MCPH1: variants seen among roughly 807,000 people sequenced by gnomAD.
MCPH1 encodes microcephalin.
MCPH1 carries 104 observed loss-of-function variants against 84.5 expected under a neutral mutation model. The observed-to-expected ratio is 1.23, with a 90% CI of 1.05 to 1.45. The LOEUF (loss-of-function observed/expected upper bound fraction) is 1.45. Ranked by LOEUF, MCPH1 falls within the 40% of genes most tolerant of loss-of-function variation. MCPH1 has a pLI of 0.00. For missense variants in MCPH1, 1,498 were observed against 1,005.7 expected (o/e 1.49, Z -6.62); for synonymous variants, 514 against 366.8 (o/e 1.40, Z -4.58).
At chr8:6,594,841 G>A (rs1038951428) in intron 12 of MCPH1, among the ~76,000 whole-genome samples, 1 of 152,150 alleles carries the variant, frequency 6.6e-6, no homozygotes, top group African/African-American at 2.4e-5. Context: ...ACCTGCCCTC[G>A]GGGTCAGAGC....
intron 12 of MCPH1, among the ~76,000 whole-genome samples, chr8:6,503,488 C>G (rs959333139): frequency 6.6e-6 from 1 of 152,202 alleles, no homozygotes; most frequent in Admixed American, 6.5e-5. Context: ...CCTTCTTCCA[C>G]CTTTTCCCTT....
chr8:6,446,592 T>C (rs1162702380), intron 8 of MCPH1: 1 of 980,310 alleles, frequency 1.0e-6, no homozygotes, highest in African/African-American at 1.8e-5. Context: ...AGCCTTAGTA[T>C]GTGTTTTCAA....
chr8:6,512,929 A>C (rs1451350311), intron 12 of MCPH1, among the ~76,000 whole-genome samples: 1 of 152,202 alleles, frequency 6.6e-6, no homozygotes, highest in African/African-American at 2.4e-5. Context: ...ACTAATCTTG[A>C]CTTTGAGATT....
At chr8:6,535,152 G>A (rs933103504) in intron 12 of MCPH1, among the ~76,000 whole-genome samples, 1 of 152,114 alleles carries the variant, frequency 6.6e-6, no homozygotes, top group Non-Finnish European at 1.5e-5. Context: ...CAGTACTTAA[G>A]AGCTAAATAA....
At position 6,438,827 on chromosome 8, in the gene MCPH1, G is replaced by A. The variant is rs181850477; in HGVS notation, c.437-126G>A. ...TGGTGGAGGTAGAATATTAGCAGGAGTAGGTAATGATGTTGAAAGGGAAGA... is the reference window on the plus strand; with the variant it reads ...TGGTGGAGGTAGAATATTAGCAGGAATAGGTAATGATGTTGAAAGGGAAGA... On this transcript the variant is annotated intron_variant, in intron 5 of 13. Coordinates refer to ENST00000344683, the MANE Select transcript of MCPH1 (RefSeq NM_024596.5). 536 of 781,486 alleles carry A rather than the reference G, an allele frequency of 6.9e-4. 1 individual carries two copies. The highest frequency in any genetic ancestry group is 9.0e-4 in the Non-Finnish European group (419 of 466,042). 48.4% of individuals were successfully genotyped at this position (781,486 alleles called of 1,614,324 possible). A position where few individuals can be genotyped will look rare whatever the true frequency, so the allele number is the denominator to read the frequency against.
intron 3 of MCPH1, among the ~76,000 whole-genome samples, chr8:6,423,804 A>C (rs938569949): frequency 6.6e-6 from 1 of 152,166 alleles, no homozygotes; most frequent in South Asian, 2.1e-4. Flanking sequence ...TTCCATTCTC[A>C]CTGGAATTAT....
At chr8:6,608,008 T>A (rs1439158795) in intron 12 of MCPH1, among the ~76,000 whole-genome samples, 1 of 152,158 alleles carries the variant, frequency 6.6e-6, no homozygotes, top group Non-Finnish European at 1.5e-5. Flanking sequence ...AATAGTGTTT[T>A]TTGATCCACC....
intron 12 of MCPH1, among the ~76,000 whole-genome samples, chr8:6,568,982 G>C (rs570556445): frequency 6.6e-6 from 1 of 152,236 alleles, no homozygotes; most frequent in Non-Finnish European, 1.5e-5. Context: ...TTTGCAGACA[G>C]AGGGGCACAC....
Position 6,480,706 on chromosome 8 carries a change from T to C in MCPH1, c.1974-8T>C. On this transcript the variant is annotated splice_region_variant and splice_polypyrimidine_tract_variant and intron_variant, in intron 10 of 13. Coordinates refer to ENST00000344683, the MANE Select transcript of MCPH1 (RefSeq NM_024596.5). ...TTCATTTTGTTAATTTTTCCCCCGA[T>C]TTGACAGAAAGCAGAATGTCGTCAT... 6.2e-7 allele frequency: 1 copy of C among 1,614,116 alleles called. No individual in the cohort carries two copies. The highest frequency in any genetic ancestry group is 8.5e-7 in the Non-Finnish European group (1 of 1,180,006).
At chr8:6,413,944 A>C (rs1339896864) in intron 2 of MCPH1, among the ~76,000 whole-genome samples, 2 of 152,044 alleles carry the variant, frequency 1.3e-5, no homozygotes, top group Non-Finnish European at 2.9e-5. Context: ...TAGTAGAGAC[A>C]GGGTTTTTCC....
intron 12 of MCPH1, chr8:6,532,266 C>A: frequency 6.3e-7 from 1 of 1,588,938 alleles, no homozygotes; most frequent in Non-Finnish European, 8.6e-7. Flanking sequence ...TGAGGAAGCT[C>A]CTGACGCGAC....
chr8:6,576,604 G>C (rs1827124077), intron 12 of MCPH1, among the ~76,000 whole-genome samples: 1 of 144,326 alleles, frequency 6.9e-6, no homozygotes, highest in Non-Finnish European at 1.5e-5. Flanking sequence ...CACCTCCCGG[G>C]TCAAGCGATT....
intron 12 of MCPH1, among the ~76,000 whole-genome samples, chr8:6,522,306 G>A (rs1040095960): frequency 2.6e-5 from 4 of 151,904 alleles, no homozygotes; most frequent in African/African-American, 9.7e-5. Context: ...AGTGAGCTGA[G>A]ATCATGCCAC....
chr8:6,411,175 C>T (rs1435167290), intron 2 of MCPH1, among the ~76,000 whole-genome samples: 1 of 152,138 alleles, frequency 6.6e-6, no homozygotes. Flanking sequence ...GGCATTTACA[C>T]AGGCCTGGTT....
chr8:6,518,245 C>A (rs1340726336), intron 12 of MCPH1, among the ~76,000 whole-genome samples: 3 of 152,196 alleles, frequency 2.0e-5, no homozygotes, highest in Admixed American at 2.0e-4. Context: ...TCTTGACACT[C>A]CTGTCCCCAG....
intron 4 of MCPH1, among the ~76,000 whole-genome samples, chr8:6,432,099 A>G (rs773936519): frequency 6.6e-6 from 1 of 152,208 alleles, no homozygotes; most frequent in Non-Finnish European, 1.5e-5. Flanking sequence ...ATGCCATAGT[A>G]TTTGCATGTA....
chr8:6,439,688 C>T (rs1246266008), intron 6 of MCPH1, among the ~76,000 whole-genome samples: 1 of 152,158 alleles, frequency 6.6e-6, no homozygotes, highest in African/African-American at 2.4e-5. Flanking sequence ...AGGCGTGAGC[C>T]ACCGCTCCTG....
intron 12 of MCPH1, among the ~76,000 whole-genome samples, chr8:6,516,525 T>C (rs1198784517): frequency 2.6e-5 from 4 of 152,192 alleles, no homozygotes; most frequent in Admixed American, 1.3e-4. Flanking sequence ...TCAACACAGT[T>C]CCAAGTTTAA....
rs1219009535 is a variant in MCPH1 at position 6,643,231 on chromosome 8, T to G, written c.*182T>G. The G allele has an allele frequency of 1.4e-5, 9 of 655,086 alleles. No homozygotes were observed. In the East Asian group the frequency reaches 2.5e-4, roughly 18 times the overall value. 40.6% of individuals were successfully genotyped at this position (655,086 alleles called of 1,614,324 possible). A position where few individuals can be genotyped will look rare whatever the true frequency, so the allele number is the denominator to read the frequency against. Reference sequence around the variant, plus strand: ...GGTGACTTTCTGATGACTGAATGTCTGTTTCAGAGACGCTTCGGGCCTTTT... The same window carrying G: ...GGTGACTTTCTGATGACTGAATGTCGGTTTCAGAGACGCTTCGGGCCTTTT... On this transcript the variant is annotated 3_prime_UTR_variant, in exon 14 of 14. Coordinates refer to ENST00000344683, the MANE Select transcript of MCPH1 (RefSeq NM_024596.5).
Sources: allele counts gnomAD v4.1 joint callset (sites outside exome capture counted in the v4.1 genomes callset), GRCh38; gene constraint gnomAD v4.1.1; transcripts MANE v1.5; gene names NCBI Gene and HGNC (gene_info 2026-07-23, HGNC 2026-07-21).